DLG2: variants seen among roughly 807,000 people sequenced by gnomAD.
The protein encoded by DLG2 is disks large homolog 2.
Under a neutral mutation model 132.5 loss-of-function variants are expected in DLG2, and 45 were observed. The ratio of observed to expected loss-of-function variants is 0.34; its 90% CI spans 0.27 to 0.44. The LOEUF is 0.44. Ranked by LOEUF, DLG2 falls within the 20% of genes least tolerant of loss-of-function variation. The pLI is 1.00. For missense variants in DLG2, 1,045 were observed against 1,196.9 expected, an observed-to-expected ratio of 0.87 and a Z score of 1.87; for synonymous variants, 424 against 419.6, an observed-to-expected ratio of 1.01 and a Z score of -0.13.
chr11:83,906,523 A>C lies in DLG2; in HGVS notation c.1496+23805T>G, dbSNP rs191347622. 3.9e-5 allele frequency among the ~76,000 whole-genome samples: 6 copies of C among 152,220 alleles called. No homozygotes were observed. The East Asian group carries it at 1.2e-3, about 29-fold the overall frequency. On this transcript the variant is annotated intron_variant, in intron 15 of 27. Transcript: ENST00000376104. ...ATTCATCCATCTATTCCAAAATATTATTAGCATCTACTTTTGGAGAGAGTA... is the reference window on the plus strand; with the variant it reads ...ATTCATCCATCTATTCCAAAATATTCTTAGCATCTACTTTTGGAGAGAGTA...
intron 6 of DLG2, among the ~76,000 whole-genome samples, chr11:84,984,087 G>T (rs1245359680): frequency 6.6e-6 from 1 of 152,096 alleles, no homozygotes; most frequent in Non-Finnish European, 1.5e-5. Flanking sequence ...AATATATTTG[G>T]GGGAATAATT....
chr11:84,754,140 T>C (rs1479360735), intron 6 of DLG2, among the ~76,000 whole-genome samples: 1 of 152,068 alleles, frequency 6.6e-6, no homozygotes, highest in Non-Finnish European at 1.5e-5. Context: ...ACAAAAAATA[T>C]GGGAAAGGGT....
At chr11:84,897,306 G>A (rs2090333922) in intron 6 of DLG2, among the ~76,000 whole-genome samples, 1 of 151,742 alleles carries the variant, frequency 6.6e-6, no homozygotes, top group African/African-American at 2.4e-5. Flanking sequence ...AGTATCCATT[G>A]TATTAATAAG....
At chr11:85,110,384 C>T (rs942306031) in intron 6 of DLG2, among the ~76,000 whole-genome samples, 6 of 152,048 alleles carry the variant, frequency 3.9e-5, no homozygotes, top group African/African-American at 1.4e-4. Flanking sequence ...TGCCACTACA[C>T]TCCAGCCTGG....
rs2061351508 is a variant in DLG2 at position 85,035,285 on chromosome 11, T to C, written c.357+76376A>G. 3.3e-5 allele frequency among the ~76,000 whole-genome samples: 5 copies of C among 152,340 alleles called. No homozygotes were observed. In the South Asian group the frequency reaches 1.0e-3, roughly 32 times the overall value. ...GAAACTTAACACTCACCCCTTGAAA[T>C]AGCACTATTTCTTGAAAAATGGCAC... On this transcript the variant is annotated intron_variant, in intron 6 of 27. Coordinates refer to ENST00000376104, the MANE Select transcript of DLG2 (RefSeq NM_001142699.3).
At chr11:84,118,283 C>A (rs1328092050) in intron 9 of DLG2, among the ~76,000 whole-genome samples, 1 of 152,178 alleles carries the variant, frequency 6.6e-6, no homozygotes, top group Non-Finnish European at 1.5e-5. Flanking sequence ...ATTTGTTCAG[C>A]CTCCTGCTGC....
Position 84,059,328 on chromosome 11 carries a change from G to A in DLG2, c.906C>T (p.Phe302=). ...TATTTTGATTACCTTTAGGGCCTTT[G>A]AACAGTTTGATTTCCACAACGGTCT... The part of the protein sequence containing the change: ...ILETVVEIKL[F]KGPKGLGFSI... Residue 302 remains phenylalanine (F), a synonymous_variant, in exon 11 of 28, where the codon TTC becomes TTT. Transcript: ENST00000376104. 6.2e-7 allele frequency: 1 copy of A among 1,613,376 alleles called. No homozygotes were observed. The highest frequency in any genetic ancestry group is 8.5e-7 in the Non-Finnish European group (1 of 1,179,664).
intron 7 of DLG2, among the ~76,000 whole-genome samples, chr11:84,524,850 C>CTTT (rs574933795): frequency 8.3e-6 from 1 of 120,780 alleles, no homozygotes; most frequent in Non-Finnish European, 1.8e-5. Context: ...TAGGGTATTT[C>CTTT]TTTTTTTTTT....
chr11:85,438,367 T>C (rs2091601876), intron 3 of DLG2, among the ~76,000 whole-genome samples: 4 of 152,216 alleles, frequency 2.6e-5, no homozygotes, highest in Admixed American at 2.6e-4. Context: ...AACTTAGTTG[T>C]TGTTTTTCTT....
chr11:84,228,552 A>G (rs757892850), intron 8 of DLG2, among the ~76,000 whole-genome samples: 1 of 152,230 alleles, frequency 6.6e-6, no homozygotes, highest in Non-Finnish European at 1.5e-5. Context: ...TGAAGCCCAC[A>G]TATTTCTAAA....
At chr11:83,670,399 C>G (rs1333123557) in intron 18 of DLG2, among the ~76,000 whole-genome samples, 1 of 151,754 alleles carries the variant, frequency 6.6e-6, no homozygotes, top group Non-Finnish European at 1.5e-5. Context: ...AAACCCATCA[C>G]TGGTGACTCT....
intron 3 of DLG2, among the ~76,000 whole-genome samples, chr11:85,537,647 C>T (rs1183439766): frequency 1.3e-5 from 2 of 151,752 alleles, no homozygotes; most frequent in East Asian, 3.9e-4. Flanking sequence ...GACCACGAAC[C>T]CACCAGAAGG....
intron 3 of DLG2, among the ~76,000 whole-genome samples, chr11:85,311,690 C>A (rs527569689): frequency 2.0e-5 from 3 of 152,172 alleles, no homozygotes; most frequent in Admixed American, 1.3e-4. Context: ...TTATTTATTT[C>A]CTCTGAACCA....
intron 12 of DLG2, among the ~76,000 whole-genome samples, chr11:83,966,112 T>C (rs1288357367): frequency 6.6e-6 from 1 of 152,004 alleles, no homozygotes; most frequent in African/African-American, 2.4e-5. Flanking sequence ...TCTGATAATA[T>C]TTCTTTGATA....
chr11:84,651,980 T>C (rs563374643), intron 6 of DLG2, among the ~76,000 whole-genome samples: 2 of 152,244 alleles, frequency 1.3e-5, no homozygotes, highest in East Asian at 1.9e-4. Flanking sequence ...AGAATATCAC[T>C]GTAAATATAT....
chr11:84,611,178 A>C (rs917227831), intron 6 of DLG2, among the ~76,000 whole-genome samples: 2 of 152,134 alleles, frequency 1.3e-5, no homozygotes, highest in Admixed American at 6.6e-5. Flanking sequence ...GAGGCCAAGG[A>C]CCATGTGTTA....
At chr11:85,121,166 G>A (rs1011905512) in intron 5 of DLG2, among the ~76,000 whole-genome samples, 1 of 151,928 alleles carries the variant, frequency 6.6e-6, no homozygotes, top group South Asian at 2.1e-4. Flanking sequence ...GAACTGCTGT[G>A]AACCTCTTCC....
chr11:84,812,534 T>C (rs2076675965), intron 6 of DLG2, among the ~76,000 whole-genome samples: 3 of 152,166 alleles, frequency 2.0e-5, no homozygotes, highest in Admixed American at 6.6e-5. Flanking sequence ...ATGTGATGCC[T>C]CTCCACCATA....
At chr11:84,661,383 T>C (rs1246250821) in intron 6 of DLG2, among the ~76,000 whole-genome samples, 1 of 152,154 alleles carries the variant, frequency 6.6e-6, no homozygotes, top group African/African-American at 2.4e-5. Flanking sequence ...CTGGGTTCTA[T>C]CTCTGTATAT....
Sources: gnomAD v4.1 joint callset for allele counts (sites outside exome capture counted in the v4.1 genomes callset) on GRCh38, gnomAD v4.1.1 for gene constraint, MANE v1.5 for transcripts, NCBI Gene and HGNC (gene_info 2026-07-23, HGNC 2026-07-21) for gene names.